The following ZMYND11 variants were observed in gnomAD, a reference collection of about 807,000 sequenced individuals.
ZMYND11 encodes the protein zinc finger MYND-type containing 11, also known as zinc finger MYND domain-containing protein 11.
Under a neutral mutation model 84.9 loss-of-function variants are expected in ZMYND11, and 9 were observed. That is an observed-to-expected ratio of 0.11 (90% CI 0.06 to 0.18). The LOEUF (loss-of-function observed/expected upper bound fraction) is 0.18. Ranked by LOEUF, ZMYND11 falls within the 10% of genes least tolerant of loss-of-function variation. The probability of loss-of-function intolerance (pLI) is 1.00; values close to 1 mark genes in which losing one functional copy is unlikely to be tolerated. For synonymous variants in ZMYND11, 250 were observed against 244.1 expected (o/e 1.02, Z -0.23); for missense variants, 409 against 761.0 (o/e 0.54, Z 5.44).
intron 3 of ZMYND11, among the ~76,000 whole-genome samples, chr10:213,907 A>G (rs1945708695): frequency 6.6e-6 from 1 of 152,212 alleles, no homozygotes; most frequent in Non-Finnish European, 1.5e-5. Context: ...ATTGAGAAAT[A>G]TGCATATATT....
At chr10:167,562 A>G (rs957279656) in intron 1 of ZMYND11, among the ~76,000 whole-genome samples, 1 of 152,144 alleles carries the variant, frequency 6.6e-6, no homozygotes, top group Admixed American at 6.6e-5. Flanking sequence ...ACATAGCAGT[A>G]TTTCCCATTC....
intron 1 of ZMYND11, among the ~76,000 whole-genome samples, chr10:178,001 C>T (rs1554767283): frequency 6.6e-6 from 1 of 152,154 alleles, no homozygotes; most frequent in Non-Finnish European, 1.5e-5. Flanking sequence ...TTGCTTTAAA[C>T]TGCCAATTAT....
intron 5 of ZMYND11, 99 bp from the exon 6 acceptor site, chr10:237,479 CAAAAATA>C (rs1424411426): frequency 2.1e-5 from 14 of 677,060 alleles, no homozygotes; most frequent in East Asian, 3.1e-5. Context: ...CCTGTCTCTA[CAAAAATA>C]AAAAATAAAA....
intron 1 of ZMYND11, among the ~76,000 whole-genome samples, chr10:164,290 A>G (rs1251881697): frequency 3.3e-5 from 5 of 152,042 alleles, no homozygotes; most frequent in Admixed American, 6.6e-5. Flanking sequence ...TCCCCTTTGC[A>G]TGGCTAGCTC....
In ZMYND11 at chr10:174,811, C is replaced by T. The variant is rs149070066; in HGVS notation, c.-19-5183C>T. On this transcript the variant is annotated intron_variant, in intron 1 of 14. Coordinates refer to ENST00000381604, the MANE Select transcript of ZMYND11 (RefSeq NM_001370100.5). Reference sequence around the variant, plus strand: ...ATACATTGGTCAAAACTCACGGGCACTACAGTGGCACATGCTTGTCATTCA... The same window carrying T: ...ATACATTGGTCAAAACTCACGGGCATTACAGTGGCACATGCTTGTCATTCA... Among the ~76,000 whole-genome samples, 70 of 150,936 alleles carry T rather than the reference C, an allele frequency of 4.6e-4. No individual in the cohort carries two copies. In the East Asian group the frequency reaches 0.013, roughly 28 times the overall value.
Position 236,994 on chromosome 10 carries a change from C to T in ZMYND11, c.516+79C>T, listed in dbSNP as rs1055423816. 37 of 1,347,902 alleles carry T rather than the reference C, an allele frequency of 2.7e-5. No homozygotes were observed. The East Asian group carries it at 3.4e-4, about 12-fold the overall frequency. The allele number at this position is 1,347,902 out of a possible 1,614,324, so 83.5% of individuals were successfully genotyped here. A position where few individuals can be genotyped will look rare whatever the true frequency, so the allele number is the denominator to read the frequency against. On this transcript the variant is annotated intron_variant, in intron 5 of 14. Transcript: ENST00000381604. ...GTTCATTCTTTCAAAGTTGAATGAT[C>T]GAGAAGTAACAAATATGTACATAGC... is the stretch of plus-strand genomic sequence containing the variant.
chr10:231,059 T>C (rs1233124706), intron 4 of ZMYND11, among the ~76,000 whole-genome samples: 1 of 152,226 alleles, frequency 6.6e-6, no homozygotes, highest in African/African-American at 2.4e-5. Flanking sequence ...TATAAAAAAT[T>C]CAAATTTTAG....
intron 1 of ZMYND11, among the ~76,000 whole-genome samples, chr10:151,674 A>G (rs542883030): frequency 5.9e-5 from 9 of 152,350 alleles, no homozygotes; most frequent in East Asian, 5.8e-4. Flanking sequence ...TCCCCAACCT[A>G]GCAAGGCAGG....
intron 4 of ZMYND11, among the ~76,000 whole-genome samples, chr10:232,485 G>C (rs987081481): frequency 2.6e-5 from 4 of 152,160 alleles, no homozygotes; most frequent in African/African-American, 7.2e-5. Flanking sequence ...TGGTTCTGTC[G>C]AGAGTCCTCT....
intron 1 of ZMYND11, among the ~76,000 whole-genome samples, chr10:176,276 A>AT (rs200486858): frequency 6.0e-4 from 88 of 146,304 alleles, no homozygotes; most frequent in Non-Finnish European, 7.1e-4. Context: ...GCTACTTTTT[A>AT]TTTTTTTTTT....
intron 2 of ZMYND11, among the ~76,000 whole-genome samples, chr10:184,797 G>A (rs1323760369): frequency 6.6e-6 from 1 of 152,082 alleles, no homozygotes; most frequent in African/African-American, 2.4e-5. Context: ...ACTCTTTCCA[G>A]ATTTATGGCT....
chr10:235,662 G>A (rs954656117), intron 4 of ZMYND11, among the ~76,000 whole-genome samples: 7 of 152,200 alleles, frequency 4.6e-5, no homozygotes, highest in Non-Finnish European at 7.3e-5. Flanking sequence ...GGGTTGAGAA[G>A]AACTGCTCTG....
chr10:175,838 T>C (rs1324242353), intron 1 of ZMYND11, among the ~76,000 whole-genome samples: 1 of 152,166 alleles, frequency 6.6e-6, no homozygotes, highest in Admixed American at 6.5e-5. Flanking sequence ...GGAAAAGTAA[T>C]AATATTTGAT....
At chr10:180,326 AAAATT>A (rs1278829197) in intron 2 of ZMYND11, among the ~76,000 whole-genome samples, 198 bp downstream of exon 2, 45 of 152,354 alleles carry the variant, frequency 3.0e-4, no homozygotes, top group African/African-American at 1.0e-3. Context: ...GTTTCATAGA[AAAATT>A]AGATAAGGAA....
chr10:180,642 G>A (rs1052736012), intron 2 of ZMYND11, among the ~76,000 whole-genome samples: 2 of 152,124 alleles, frequency 1.3e-5, no homozygotes, highest in East Asian at 1.9e-4. Context: ...CTCGTGATTC[G>A]CCCGCCTTGG....
At chr10:191,596 G>C (rs994299345) in intron 2 of ZMYND11, among the ~76,000 whole-genome samples, 1 of 152,160 alleles carries the variant, frequency 6.6e-6, no homozygotes, top group Non-Finnish European at 1.5e-5. Flanking sequence ...GCTGTTGTAG[G>C]TTTTGAAGTG....
intron 1 of ZMYND11, chr10:155,038 G>A (rs1841378288): frequency 1.3e-5 from 2 of 152,110 alleles, no homozygotes; most frequent in African/African-American, 2.4e-5. Context: ...TGCTCCTGGT[G>A]TATATGACTT....
intron 4 of ZMYND11, among the ~76,000 whole-genome samples, chr10:230,552 G>A (rs1233486353): frequency 6.7e-6 from 1 of 150,214 alleles, no homozygotes; most frequent in Non-Finnish European, 1.5e-5. Flanking sequence ...GTAAGGCTCA[G>A]GAATCTACAT....
chr10:148,115 A>T (rs534295952), intron 1 of ZMYND11: 1 of 152,348 alleles, frequency 6.6e-6, no homozygotes, highest in Non-Finnish European at 1.5e-5. Flanking sequence ...TCAGGTGATT[A>T]TTGGTATTCC....
Sources: gnomAD v4.1 joint callset for allele counts (sites outside exome capture counted in the v4.1 genomes callset) on GRCh38, gnomAD v4.1.1 for gene constraint, MANE v1.5 for transcripts, NCBI Gene and HGNC (gene_info 2026-07-23, HGNC 2026-07-21) for gene names.